Variants in ARHGAP6 observed in about 807,000 individuals in gnomAD.
ARHGAP6 encodes the protein rho GTPase-activating protein 6.
ARHGAP6 carries 16 observed loss-of-function variants against 55.7 expected under a neutral mutation model. The ratio of observed to expected loss-of-function variants is 0.29; its 90% confidence interval spans 0.19 to 0.44. ARHGAP6 has a LOEUF of 0.44. Ranked by LOEUF, ARHGAP6 falls within the 20% of genes least tolerant of loss-of-function variation. The pLI is 1.00. For synonymous variants in ARHGAP6, 382 were observed against 360.9 expected (o/e 1.06, Z -0.66); for missense variants, 698 against 808.9 (o/e 0.86, Z 1.66).
chrX:11,176,341 A>G (rs1289329096), intron 8 of ARHGAP6, among the ~76,000 whole-genome samples: 12 of 61,989 alleles, frequency 1.9e-4, no homozygotes, highest in African/African-American at 7.4e-4. Context: ...ATATATATAT[A>G]TATATATATC....
intron 1 of ARHGAP6, among the ~76,000 whole-genome samples, chrX:11,358,173 A>G (rs768392100): frequency 1.8e-4 from 20 of 112,149 alleles, no homozygotes; most frequent in Non-Finnish European, 3.6e-4. Flanking sequence ...TTTACTTAGC[A>G]TAACATTTTC....
intron 1 of ARHGAP6, among the ~76,000 whole-genome samples, chrX:11,553,220 T>C (rs1419642097): frequency 9.3e-6 from 1 of 107,066 alleles, no homozygotes; most frequent in Non-Finnish European, 1.9e-5. Context: ...CTTGAACAAA[T>C]AAACAAAATC....
intron 1 of ARHGAP6, among the ~76,000 whole-genome samples, chrX:11,361,160 G>A (rs1476108142): frequency 9.3e-6 from 1 of 107,044 alleles, no homozygotes; most frequent in Non-Finnish European, 1.9e-5. Flanking sequence ...CTACTTTAAA[G>A]TTCATATGGA....
intron 1 of ARHGAP6, among the ~76,000 whole-genome samples, chrX:11,318,853 C>G (rs1400910356): frequency 8.9e-6 from 1 of 111,940 alleles, no homozygotes; most frequent in Non-Finnish European, 1.9e-5. Context: ...GGATAAGAAC[C>G]AGGGCAGACA....
intron 1 of ARHGAP6, among the ~76,000 whole-genome samples, chrX:11,340,685 C>T (rs975259247): frequency 3.8e-5 from 4 of 106,443 alleles, no homozygotes; most frequent in African/African-American, 1.1e-4. Flanking sequence ...GCCGAGATCG[C>T]GCCACTGCAC....
At chrX:11,436,711 AG>A (rs1396105770) in intron 1 of ARHGAP6, among the ~76,000 whole-genome samples, 1 of 112,340 alleles carries the variant, frequency 8.9e-6, no homozygotes, top group Admixed American at 9.4e-5. Flanking sequence ...GGCCATTAAA[AG>A]GAATGAAATA....
chrX:11,197,207 T>G (rs766693243), intron 2 of ARHGAP6, among the ~76,000 whole-genome samples: 8 of 111,968 alleles, frequency 7.1e-5, no homozygotes, highest in African/African-American at 2.6e-4. Context: ...TGAATTTCCT[T>G]TCAGTCATGG....
intron 2 of ARHGAP6, among the ~76,000 whole-genome samples, chrX:11,253,903 C>CA (rs375631926): frequency 0.053 from 3,481 of 66,242 alleles, 71 homozygotes; most frequent in Non-Finnish European, 0.067. Context: ...GACTCCATCT[C>CA]AAAAAAAAAA....
At chrX:11,405,145 G>C (rs1242562515) in intron 1 of ARHGAP6, among the ~76,000 whole-genome samples, 2 of 111,590 alleles carry the variant, frequency 1.8e-5, no homozygotes, top group East Asian at 5.6e-4. Flanking sequence ...CTTCTTCATT[G>C]CTGCTCTCTT....
chrX:11,488,606 G>T (rs913109709), intron 1 of ARHGAP6, among the ~76,000 whole-genome samples: 3 of 110,669 alleles, frequency 2.7e-5, no homozygotes, highest in African/African-American at 6.6e-5. Context: ...GTTAGGAACC[G>T]GGCCACACAG....
chrX:11,473,835 G>T (rs764234935), intron 1 of ARHGAP6, among the ~76,000 whole-genome samples: 1 of 111,978 alleles, frequency 8.9e-6, no homozygotes, highest in East Asian at 2.8e-4. Flanking sequence ...TGAATTTCCT[G>T]TTGAAAAGCT....
chrX:11,321,644 C>T (rs564974475), intron 1 of ARHGAP6, among the ~76,000 whole-genome samples: 2 of 111,313 alleles, frequency 1.8e-5, no homozygotes, highest in South Asian at 7.6e-4. Flanking sequence ...TGTAACTGTC[C>T]ATCACACCAA....
chrX:11,328,442 G>A (rs1055864440), intron 1 of ARHGAP6, among the ~76,000 whole-genome samples: 26 of 111,793 alleles, frequency 2.3e-4, no homozygotes, highest in Middle Eastern at 4.6e-3. Context: ...TTTAAAATGG[G>A]GATAAAAATC....
At chrX:11,592,639 T>C (rs766604308) in intron 1 of ARHGAP6, among the ~76,000 whole-genome samples, 6 of 111,859 alleles carry the variant, frequency 5.4e-5, no homozygotes, top group South Asian at 7.5e-4. Flanking sequence ...ATTTAGTATA[T>C]ACTAGTGATA....
intron 1 of ARHGAP6, among the ~76,000 whole-genome samples, chrX:11,287,427 A>G (rs1463569206): frequency 3.6e-5 from 4 of 111,996 alleles, no homozygotes; most frequent in Non-Finnish European, 5.6e-5. Context: ...ATGTGAAGAC[A>G]GCCAAGTCAT....
chrX:11,518,886 T>C (rs2050879614), intron 1 of ARHGAP6, among the ~76,000 whole-genome samples: 2 of 89,942 alleles, frequency 2.2e-5, no homozygotes, highest in Non-Finnish European at 4.3e-5. Flanking sequence ...TATGCAGTGT[T>C]TGGTTTTTTG....
chrX:11,166,447 A>G, intron 9 of ARHGAP6, among the ~76,000 whole-genome samples: 1 of 111,930 alleles, frequency 8.9e-6, no homozygotes, highest in East Asian at 2.8e-4. Context: ...ACTTTTAACC[A>G]TCAGGCCCTG....
intron 3 of ARHGAP6, among the ~76,000 whole-genome samples, chrX:11,193,634 A>G (rs969778891): frequency 8.9e-6 from 1 of 112,408 alleles, no homozygotes; most frequent in African/African-American, 3.2e-5. Context: ...GGTGGGTGAT[A>G]TGTCTTTTCT....
intron 1 of ARHGAP6, among the ~76,000 whole-genome samples, chrX:11,650,268 T>A (rs2052571298): frequency 9.0e-6 from 1 of 111,633 alleles, no homozygotes; most frequent in Non-Finnish European, 1.9e-5. Flanking sequence ...TCAAGGGGAT[T>A]ACAGGTGTGA....
Sources: allele counts gnomAD v4.1 joint callset (sites outside exome capture counted in the v4.1 genomes callset), GRCh38; gene constraint gnomAD v4.1.1; transcripts MANE v1.5; gene names NCBI Gene and HGNC (gene_info 2026-07-23, HGNC 2026-07-21).